The following KCND2 variants were observed in gnomAD, a reference collection of about 807,000 sequenced individuals.
KCND2 encodes potassium voltage-gated channel subfamily D member 2, also known as A-type voltage-gated potassium channel KCND2.
In KCND2, 16 loss-of-function variants were observed where a neutral mutation model predicts 54.4. The observed-to-expected ratio is 0.29, with a 90% CI of 0.20 to 0.45. The LOEUF is 0.45. Among genes scored for constraint, KCND2 ranks in the 20% least tolerant of loss-of-function variants. The pLI is 1.00. For synonymous variants in KCND2, 317 were observed against 310.7 expected, an observed-to-expected ratio of 1.02 and a Z score of -0.21; for missense variants, 486 against 824.2, an observed-to-expected ratio of 0.59 and a Z score of 5.02.
Position 120,342,941 on chromosome 7 carries a change from ATCT to A in KCND2, c.1115+67196_1115+67198del, listed in dbSNP as rs1448643264. ...AAAATGATCACAGAATTATAAGAATATCTTAGAAAGTGGTCTATTGGGGTGGAG... is the reference window on the plus strand; with the variant it reads ...AAAATGATCACAGAATTATAAGAATATAGAAAGTGGTCTATTGGGGTGGAG... On this transcript the variant is annotated intron_variant, in intron 1 of 5. Transcript: ENST00000331113. 2.6e-5 allele frequency among the ~76,000 whole-genome samples: 4 copies of A among 152,286 alleles called. No homozygotes were observed. The East Asian group carries it at 7.7e-4, about 29-fold the overall frequency.
intron 1 of KCND2, among the ~76,000 whole-genome samples, chr7:120,674,757 T>G (rs1359790512): frequency 6.6e-6 from 1 of 152,236 alleles, no homozygotes; most frequent in African/African-American, 2.4e-5. Flanking sequence ...GTCAAACACA[T>G]GTGCCCATAA....
At chr7:120,596,989 TA>T (rs1258516607) in intron 1 of KCND2, among the ~76,000 whole-genome samples, 1 of 152,252 alleles carries the variant, frequency 6.6e-6, no homozygotes, top group African/African-American at 2.4e-5. Context: ...ACTAAGTGAC[TA>T]ATCTATGACT....
chr7:120,452,222 G>A (rs956498138), intron 1 of KCND2, among the ~76,000 whole-genome samples: 2 of 152,244 alleles, frequency 1.3e-5, no homozygotes, highest in Non-Finnish European at 2.9e-5. Context: ...TCATGTTCTG[G>A]TTCTTCCTTT....
Position 120,688,815 on chromosome 7 carries a change from C to T in KCND2, c.1116-44088C>T, listed in dbSNP as rs531144191. On this transcript the variant is annotated intron_variant, in intron 1 of 5. Transcript: ENST00000331113. Reference sequence around the variant, plus strand: ...TACAAAAATAGAAGTAACTGTACTGCTCTAAAGATGTACTTTTGTCTGTAT... The same window carrying T: ...TACAAAAATAGAAGTAACTGTACTGTTCTAAAGATGTACTTTTGTCTGTAT... Among the ~76,000 whole-genome samples, 57 of 152,304 alleles carry T rather than the reference C, an allele frequency of 3.7e-4. 2 individuals are homozygous for T. In the South Asian group the frequency reaches 0.01, roughly 27 times the overall value.
rs539601443 is a variant in KCND2 at position 120,500,670 on chromosome 7, G to GT, written c.1115+224926dup. 4.3e-4 allele frequency among the ~76,000 whole-genome samples: 66 copies of GT among 151,986 alleles called. 1 individual carries two copies. In the East Asian group the frequency reaches 6.8e-3, roughly 16 times the overall value. On this transcript the variant is annotated intron_variant, in intron 1 of 5. Transcript: ENST00000331113. ...ATAACAACAGCAAAATTAAAATTAT[G>GT]TTTGAGTTATACAACATTATAAAAA...
At chr7:120,619,803 G>A (rs757481109) in intron 1 of KCND2, among the ~76,000 whole-genome samples, 2 of 152,140 alleles carry the variant, frequency 1.3e-5, no homozygotes, top group African/African-American at 4.8e-5. Flanking sequence ...CAGCAAGGAA[G>A]CCTTAATTTT....
intron 1 of KCND2, among the ~76,000 whole-genome samples, chr7:120,359,808 C>T (rs1800567999): frequency 6.6e-6 from 1 of 151,928 alleles, no homozygotes; most frequent in South Asian, 2.1e-4. Flanking sequence ...GGGGTGGTTC[C>T]CTGATGCTGT....
chr7:120,310,291 A>G (rs1030711197), intron 1 of KCND2, among the ~76,000 whole-genome samples: 3 of 152,238 alleles, frequency 2.0e-5, no homozygotes, highest in African/African-American at 7.2e-5. Context: ...ATAGGATAAT[A>G]TGAACAAATA....
At chr7:120,708,900 T>A (rs1477547090) in intron 1 of KCND2, among the ~76,000 whole-genome samples, 1 of 152,142 alleles carries the variant, frequency 6.6e-6, no homozygotes, top group East Asian at 1.9e-4. Context: ...AGTCCTGTTT[T>A]GTTTACCCAG....
At chr7:120,432,786 G>T (rs1253671910) in intron 1 of KCND2, among the ~76,000 whole-genome samples, 1 of 151,998 alleles carries the variant, frequency 6.6e-6, no homozygotes, top group Non-Finnish European at 1.5e-5. Flanking sequence ...TGCCTTGCTT[G>T]GACACCCCTC....
intron 1 of KCND2, among the ~76,000 whole-genome samples, chr7:120,544,489 A>G (rs1056669222): frequency 6.6e-5 from 10 of 152,100 alleles, no homozygotes; most frequent in African/African-American, 2.4e-4. Context: ...AAGAATTTTA[A>G]AAGTATAACC....
At chr7:120,306,438 T>A (rs1027072381) in intron 1 of KCND2, among the ~76,000 whole-genome samples, 2 of 152,014 alleles carry the variant, frequency 1.3e-5, no homozygotes, top group African/African-American at 2.4e-5. Context: ...TTTAATTTTT[T>A]AAAAAATAGA....
intron 1 of KCND2, among the ~76,000 whole-genome samples, chr7:120,685,842 C>T (rs1792194916): frequency 6.6e-6 from 1 of 152,156 alleles, no homozygotes; most frequent in African/African-American, 2.4e-5. Flanking sequence ...TATTCTGATG[C>T]CAAGAGAAGC....
intron 1 of KCND2, among the ~76,000 whole-genome samples, chr7:120,329,031 G>A (rs1268937063): frequency 6.6e-6 from 1 of 151,942 alleles, no homozygotes; most frequent in Non-Finnish European, 1.5e-5. Context: ...TAGATAATGG[G>A]CAGCTACTGC....
chr7:120,710,020 C>A (rs866204006), intron 1 of KCND2, among the ~76,000 whole-genome samples: 1 of 152,160 alleles, frequency 6.6e-6, no homozygotes, highest in African/African-American at 2.4e-5. Context: ...TTAAACCAAG[C>A]ATGAGGCCTT....
chr7:120,428,737 A>C (rs1801749390), intron 1 of KCND2, among the ~76,000 whole-genome samples: 1 of 152,234 alleles, frequency 6.6e-6, no homozygotes, highest in South Asian at 2.1e-4. Flanking sequence ...GGTATTATTA[A>C]AGTAATCGAG....
chr7:120,592,244 C>G (rs1164354668), intron 1 of KCND2, among the ~76,000 whole-genome samples: 1 of 152,100 alleles, frequency 6.6e-6, no homozygotes, highest in Non-Finnish European at 1.5e-5. Context: ...GTTTGTTTTT[C>G]TCTAACATAA....
intron 1 of KCND2, among the ~76,000 whole-genome samples, chr7:120,427,865 G>A (rs951227066): frequency 5.9e-5 from 9 of 151,946 alleles, no homozygotes; most frequent in African/African-American, 2.2e-4. Flanking sequence ...ATGAAAAGTC[G>A]TTCAAGACTA....
intron 1 of KCND2, among the ~76,000 whole-genome samples, chr7:120,417,058 C>T (rs1201860438): frequency 6.6e-6 from 1 of 152,136 alleles, no homozygotes; most frequent in African/African-American, 2.4e-5. Context: ...GTTGGCCAGG[C>T]TGGTCTCAAA....
Sources: gnomAD v4.1 joint callset for allele counts (sites outside exome capture counted in the v4.1 genomes callset) on GRCh38, gnomAD v4.1.1 for gene constraint, MANE v1.5 for transcripts, NCBI Gene and HGNC (gene_info 2026-07-23, HGNC 2026-07-21) for gene names.